The following ZMYND8 variants were observed in gnomAD, a reference collection of about 807,000 sequenced individuals.
ZMYND8 encodes zinc finger MYND-type containing 8.
A neutral mutation model predicts 140.8 loss-of-function variants in ZMYND8; 37 were observed. The ratio of observed to expected loss-of-function variants is 0.26; its 90% CI spans 0.20 to 0.35. ZMYND8 has a LOEUF of 0.35. Among genes scored for constraint, ZMYND8 ranks in the 10% least tolerant of loss-of-function variants. The probability of loss-of-function intolerance (pLI) is 1.00; values close to 1 mark genes in which losing one functional copy is unlikely to be tolerated. For synonymous variants in ZMYND8, 592 were observed against 597.1 expected (o/e 0.99, Z 0.12); for missense variants, 1,068 against 1,570.0 (o/e 0.68, Z 5.40).
chr20:47,287,216 G>C lies in ZMYND8; in HGVS notation c.804+13C>G. ...CTGGGTGCATCTAAAACAGGACAGT[G>C]GGAAACACATACCTCATGTTCACAG... On this transcript the variant is annotated intron_variant, in intron 8 of 22. Transcript: ENST00000471951. 2 of 1,612,616 alleles carry C rather than the reference G, an allele frequency of 1.2e-6. No homozygotes were observed. The highest frequency in any genetic ancestry group is 2.2e-5 in the East Asian group (1 of 44,856).
chr20:47,271,008 C>T (rs529202024), intron 11 of ZMYND8, among the ~76,000 whole-genome samples: 12 of 151,700 alleles, frequency 7.9e-5, no homozygotes, highest in Admixed American at 3.9e-4. Flanking sequence ...ACCCAGGAGG[C>T]GGAGCTTGCA....
chr20:47,350,125 A>C, intron 1 of ZMYND8: 3 of 1,074,230 alleles, frequency 2.8e-6, no homozygotes, highest in Non-Finnish European at 3.7e-6. Context: ...ACAAGTGGGC[A>C]CCATAATCAC....
Position 47,238,765 on chromosome 20 carries a change from A to C in ZMYND8, c.2658T>G (p.Ala886=). ...SQGTRYQTRQ[A]VKAVQQKEIT... Reference sequence around the variant, plus strand: ...GAAGGGGAGGCTCGGTACCTTTCACAGCCTGTCTGGTCTGATATCTCGTCC... The same window carrying C: ...GAAGGGGAGGCTCGGTACCTTTCACCGCCTGTCTGGTCTGATATCTCGTCC... The change falls in exon 15 of 23, where the codon GCT becomes GCG. Residue 886 remains alanine, a synonymous_variant. Transcript: ENST00000471951. 1 of 1,611,126 alleles carries C rather than the reference A, an allele frequency of 6.2e-7. No individual in the cohort carries two copies. The highest frequency in any genetic ancestry group is 8.5e-7 in the Non-Finnish European group (1 of 1,179,262).
At chr20:47,240,527 TAATA>T (rs1442748746) in intron 14 of ZMYND8, among the ~76,000 whole-genome samples, 2 of 151,572 alleles carry the variant, frequency 1.3e-5, no homozygotes, top group African/African-American at 4.8e-5. Context: ...ATAATAATAA[TAATA>T]AATGAAAAGT....
chr20:47,309,498 G>A (rs958992479), intron 3 of ZMYND8, among the ~76,000 whole-genome samples: 1 of 152,020 alleles, frequency 6.6e-6, no homozygotes. Context: ...TAGTAAAGGC[G>A]GGGTTTCACC....
intron 4 of ZMYND8, among the ~76,000 whole-genome samples, chr20:47,297,310 T>C (rs1248478505): frequency 2.0e-5 from 3 of 152,232 alleles, no homozygotes; most frequent in Admixed American, 6.5e-5. Flanking sequence ...TACACAAAAG[T>C]ATGACAGACA....
chr20:47,216,825 AAAG>A (rs2036198672), intron 21 of ZMYND8, among the ~76,000 whole-genome samples: 1 of 152,196 alleles, frequency 6.6e-6, no homozygotes, highest in Non-Finnish European at 1.5e-5. Flanking sequence ...TAGAATAAAA[AAAG>A]AACACAGGTC....
At chr20:47,221,267 G>A in intron 20 of ZMYND8, 47 bp downstream of exon 20, 2 of 1,605,308 alleles carry the variant, frequency 1.2e-6, no homozygotes, top group Non-Finnish European at 1.7e-6. Context: ...AGTCCACTTG[G>A]CACAAAGGGT....
chr20:47,339,638 G>A (rs1356335405), intron 2 of ZMYND8, among the ~76,000 whole-genome samples: 4 of 151,556 alleles, frequency 2.6e-5, no homozygotes, highest in Non-Finnish European at 4.4e-5. Flanking sequence ...GACCACGCCT[G>A]GCTAATTTTT....
intron 17 of ZMYND8, 150 bp downstream of exon 17, chr20:47,229,576 C>T (rs2038195137): frequency 1.5e-6 from 1 of 675,666 alleles, no homozygotes; most frequent in Admixed American, 3.2e-5. Context: ...GGAAAAAATA[C>T]CCCCATCGAT....
chr20:47,356,332 AGAAAAAAAAAAAAAGAAG>A, intron 1 of ZMYND8: 2 of 1,390,048 alleles, frequency 1.4e-6, no homozygotes, highest in African/African-American at 2.9e-5. Context: ...GAAGAGGGAA[AGAAAAAAAAAAAAAGAAG>A]GAAAAAAAAA....
chr20:47,333,586 C>T lies in ZMYND8; in HGVS notation c.85+14270G>A, dbSNP rs141512054. Among the ~76,000 whole-genome samples, 200 of 152,078 alleles carry T rather than the reference C, an allele frequency of 1.3e-3. 2 individuals are homozygous for T. Among genetic ancestry groups the T allele is most frequent in the African/African-American group, 4.6e-3 (189 of 41,504 alleles). The stretch of plus-strand genomic sequence containing the variant: ...ACTAAACATACAAAAATTAGCTGGG[C>T]GTGGTGGCACATGCCTGTAGTCCCA... On this transcript the variant is annotated intron_variant, in intron 2 of 22. Coordinates refer to ENST00000471951, the MANE Select transcript of ZMYND8 (RefSeq NM_001281775.3).
At chr20:47,290,582 A>AG (rs2077192271) in intron 6 of ZMYND8, among the ~76,000 whole-genome samples, 1 of 101,340 alleles carries the variant, frequency 9.9e-6, no homozygotes. Flanking sequence ...TTATTTATTT[A>AG]GTTTTTTTTT....
intron 2 of ZMYND8, chr20:47,320,066 T>C (rs1016555843): frequency 3.3e-5 from 5 of 152,112 alleles, no homozygotes; most frequent in African/African-American, 9.7e-5. Context: ...GTTCTGGAAA[T>C]CTCCGGTGGT....
At chr20:47,250,143 A>G (rs2074051968) in intron 12 of ZMYND8, among the ~76,000 whole-genome samples, 1 of 152,164 alleles carries the variant, frequency 6.6e-6, no homozygotes, top group Non-Finnish European at 1.5e-5. Flanking sequence ...GTTCCCAGGC[A>G]GAGGCCTCTG....
intron 18 of ZMYND8, among the ~76,000 whole-genome samples, chr20:47,225,448 G>C (rs528054882): frequency 3.5e-4 from 53 of 149,522 alleles, no homozygotes; most frequent in Non-Finnish European, 5.8e-4. Flanking sequence ...AGCTACTTGG[G>C]AGGCCGAGGC....
At chr20:47,234,621 G>A (rs1211310575) in intron 16 of ZMYND8, among the ~76,000 whole-genome samples, 1 of 152,150 alleles carries the variant, frequency 6.6e-6, no homozygotes, top group Non-Finnish European at 1.5e-5. Flanking sequence ...GATAATAAAG[G>A]TGTGTGCTGT....
chr20:47,260,753 C>T (rs1248023646), intron 12 of ZMYND8, among the ~76,000 whole-genome samples: 1 of 152,220 alleles, frequency 6.6e-6, no homozygotes. Flanking sequence ...ATGGTGTGAA[C>T]TGCCTTGTTA....
At chr20:47,255,251 C>T (rs1035571858) in intron 12 of ZMYND8, among the ~76,000 whole-genome samples, 1 of 152,008 alleles carries the variant, frequency 6.6e-6, no homozygotes, top group African/African-American at 2.4e-5. Context: ...ACAGTGGTGA[C>T]GTGCAGGAAC....
Sources: gnomAD v4.1 joint callset for allele counts (sites outside exome capture counted in the v4.1 genomes callset) on GRCh38, gnomAD v4.1.1 for gene constraint, MANE v1.5 for transcripts, NCBI Gene and HGNC (gene_info 2026-07-23, HGNC 2026-07-21) for gene names.